Variants in CDH11 observed in about 807,000 individuals in gnomAD.
CDH11 encodes cadherin 11.
CDH11 carries 11 observed loss-of-function variants against 67.8 expected under a neutral mutation model. The observed-to-expected ratio is 0.16, with a 90% CI of 0.10 to 0.27. The LOEUF is 0.27. Among genes scored for constraint, CDH11 ranks in the 10% least tolerant of loss-of-function variants. The pLI, the probability that CDH11 is intolerant of heterozygous loss-of-function variation, is 1.00. For synonymous variants in CDH11, 419 were observed against 400.0 expected, an observed-to-expected ratio of 1.05 and a Z score of -0.57; for missense variants, 847 against 1,031.2, an observed-to-expected ratio of 0.82 and a Z score of 2.45.
At position 64,974,279 on chromosome 16, in the gene CDH11, G is replaced by A. The variant is rs180828494; in HGVS notation, c.1254-1239C>T. Among the ~76,000 whole-genome samples, 243 of 152,244 alleles carry A rather than the reference G, an allele frequency of 1.6e-3. 1 individual carries two copies. Among genetic ancestry groups the A allele is most frequent in the Middle Eastern group, 3.4e-3 (1 of 294 alleles). On this transcript the variant is annotated intron_variant, in intron 8 of 12. Transcript: ENST00000268603. ...TATGTTAATTCAGGTAGTACGCTGA[G>A]CTTCATAAGTGTGTGGTTTTCTGCT...
intron 2 of CDH11, among the ~76,000 whole-genome samples, chr16:65,021,327 A>G (rs80057338): frequency 1.3e-5 from 2 of 152,280 alleles, no homozygotes; most frequent in East Asian, 3.9e-4. Flanking sequence ...GGGATTCCAT[A>G]AGGAAAATAG....
chr16:64,948,408 C>CTG, intron 12 of CDH11: 3 of 608,176 alleles, frequency 4.9e-6, no homozygotes, highest in Non-Finnish European at 8.7e-6. Flanking sequence ...TAGGAAGATT[C>CTG]TAAATATGTT....
At chr16:64,994,534 A>G (rs942256296) in intron 4 of CDH11, among the ~76,000 whole-genome samples, 8 of 152,194 alleles carry the variant, frequency 5.3e-5, no homozygotes, top group African/African-American at 1.9e-4. Flanking sequence ...GTACTGTCAT[A>G]TGCCATAATA....
At position 64,998,641 on chromosome 16, in the gene CDH11, C is replaced by T. The variant is rs2072837062; in HGVS notation, c.444G>A (p.Lys148=). 1 of 1,614,080 alleles carries T rather than the reference C, an allele frequency of 6.2e-7. No individual in the cohort carries two copies. The highest frequency in any genetic ancestry group is 8.5e-7 in the Non-Finnish European group (1 of 1,180,026). The change falls in exon 4 of 13, where the codon AAG becomes AAA. Residue 148 remains lysine (K), a synonymous_variant. Coordinates refer to ENST00000268603, the MANE Select transcript of CDH11 (RefSeq NM_001797.4). The part of the protein sequence containing the change: ...PLEPPSEFIV[K]VQDINDNPPE... ...GAGGGTTGTCATTAATGTCCTGGACCTTGACAATGAATTCCGACGGTGGCT... is the reference window on the plus strand; with the variant it reads ...GAGGGTTGTCATTAATGTCCTGGACTTTGACAATGAATTCCGACGGTGGCT...
chr16:65,087,677 T>A (rs545169420), intron 1 of CDH11, among the ~76,000 whole-genome samples: 1 of 152,160 alleles, frequency 6.6e-6, no homozygotes, highest in African/African-American at 2.4e-5. Context: ...TTGCTATGAC[T>A]GAGAAAATGA....
chr16:65,012,761 G>T (rs1256711110), intron 2 of CDH11, among the ~76,000 whole-genome samples: 1 of 152,112 alleles, frequency 6.6e-6, no homozygotes, highest in Non-Finnish European at 1.5e-5. Context: ...GATTTCTTTT[G>T]TTATCAAAAC....
intron 2 of CDH11, among the ~76,000 whole-genome samples, chr16:65,053,185 C>T (rs944197981): frequency 2.0e-5 from 3 of 152,122 alleles, no homozygotes; most frequent in East Asian, 1.9e-4. Context: ...CAGTTACCAC[C>T]GAGCAGATGG....
chr16:65,121,487 G>A lies in CDH11; in HGVS notation c.-298+393C>T, dbSNP rs2075328863. On this transcript the variant is annotated intron_variant, in intron 1 of 12. Coordinates refer to ENST00000268603, the MANE Select transcript of CDH11 (RefSeq NM_001797.4). The surrounding 1 kb of genome is among the most constrained non-coding windows in gnomAD (Gnocchi z 4.1). ...CAGGGCTGGCGGGCACCGCGCCGTG[G>A]GCGACTTTCCCCAGAGATATGACCG... Among the ~76,000 whole-genome samples, 1 of 152,124 alleles carries A rather than the reference G, an allele frequency of 6.6e-6. No individual in the cohort carries two copies. Among genetic ancestry groups the A allele is most frequent in the Non-Finnish European group, 1.5e-5 (1 of 68,020 alleles).
At position 64,946,421 on chromosome 16, in the gene CDH11, T is replaced by C. The variant is rs2071198559; in HGVS notation, c.*1182A>G. The C allele has an allele frequency of 9.7e-7, 1 of 1,035,046 alleles. No individual in the cohort carries two copies. Among genetic ancestry groups the C allele is most frequent in the Admixed American group, 5.7e-5 (1 of 17,680 alleles). The allele number at this position is 1,035,046 out of a possible 1,614,324, so 64.1% of individuals were successfully genotyped here. A position where few individuals can be genotyped will look rare whatever the true frequency, so the allele number is the denominator to read the frequency against. ...CTGATAGCTCCATTCCCTCATGGAT[T>C]CATCTCTCATAACCATCAAATTACT... On this transcript the variant is annotated 3_prime_UTR_variant, in exon 13 of 13. Transcript: ENST00000268603.
intron 11 of CDH11, among the ~76,000 whole-genome samples, chr16:64,954,597 A>G (rs2071453285): frequency 6.6e-6 from 1 of 152,148 alleles, no homozygotes; most frequent in African/African-American, 2.4e-5. Context: ...TGAGCTGGTA[A>G]AGGTGAACAC....
At chr16:65,101,432 G>T (rs1002174943) in intron 1 of CDH11, among the ~76,000 whole-genome samples, 4 of 152,182 alleles carry the variant, frequency 2.6e-5, no homozygotes, top group African/African-American at 9.7e-5. Context: ...CAATTGTGGG[G>T]ATTCCAGGTC....
chr16:65,087,133 G>A (rs1192635446), intron 1 of CDH11, among the ~76,000 whole-genome samples: 1 of 152,140 alleles, frequency 6.6e-6, no homozygotes, highest in Admixed American at 6.5e-5. Flanking sequence ...TAGGTAGTAG[G>A]TAATCAGAAC....
rs534356889 is a variant in CDH11, at chr16:64,968,358, T to C, written c.1642+3221A>G. On this transcript the variant is annotated intron_variant, in intron 11 of 12. Transcript: ENST00000268603. The stretch of plus-strand genomic sequence containing the variant: ...CTCAGTCTTTTTTTTTTCTTTGCAC[T>C]TTTCTCATCCATTACATATTTCTTG... 28 of 898,728 alleles carry C rather than the reference T, an allele frequency of 3.1e-5. No homozygotes were observed. The African/African-American group carries it at 5.0e-4, about 16-fold the overall frequency. 55.7% of individuals were successfully genotyped at this position (898,728 alleles called of 1,614,324 possible).
At chr16:65,089,396 T>C (rs2074755260) in intron 1 of CDH11, among the ~76,000 whole-genome samples, 1 of 152,198 alleles carries the variant, frequency 6.6e-6, no homozygotes, top group African/African-American at 2.4e-5. Flanking sequence ...ATTTGAATAA[T>C]AGAAAACGAT....
intron 1 of CDH11, among the ~76,000 whole-genome samples, chr16:65,105,098 G>A (rs977914449): frequency 6.6e-6 from 1 of 151,796 alleles, no homozygotes; most frequent in Non-Finnish European, 1.5e-5. Flanking sequence ...CTCTGTCCAC[G>A]TTTGCAGCAC....
chr16:65,118,145 T>C (rs1449514521), intron 1 of CDH11, among the ~76,000 whole-genome samples: 1 of 152,112 alleles, frequency 6.6e-6, no homozygotes, highest in Admixed American at 6.6e-5. Flanking sequence ...ATGCAGACAG[T>C]TGGAGAAGGG....
intron 11 of CDH11, among the ~76,000 whole-genome samples, chr16:64,965,205 C>CAAAAAAAAAA (rs71143537): frequency 3.5e-5 from 2 of 56,958 alleles, no homozygotes; most frequent in South Asian, 6.2e-4. Context: ...CTAAAAATAC[C>CAAAAAAAAAA]AAAAAAAAAA....
intron 1 of CDH11, among the ~76,000 whole-genome samples, chr16:65,115,712 AAAAAAAAAAC>A (rs1465031268): frequency 7.3e-6 from 1 of 137,108 alleles, no homozygotes; most frequent in Non-Finnish European, 1.6e-5. Context: ...TACACCAAAA[AAAAAAAAAAC>A]AAAAAAACAA....
At chr16:65,097,325 A>G (rs910216092) in intron 1 of CDH11, among the ~76,000 whole-genome samples, 4 of 152,232 alleles carry the variant, frequency 2.6e-5, no homozygotes, top group African/African-American at 9.6e-5. Flanking sequence ...CAAATGCAAA[A>G]TGAAGATATA....
Sources: allele counts gnomAD v4.1 joint callset (sites outside exome capture counted in the v4.1 genomes callset), GRCh38; gene constraint gnomAD v4.1.1; non-coding constraint Gnocchi (gnomAD v3.1); transcripts MANE v1.5; gene names NCBI Gene and HGNC (gene_info 2026-07-23, HGNC 2026-07-21).